Variants in RBMS3 observed in about 807,000 individuals in gnomAD.
RBMS3 encodes RNA-binding motif, single-stranded-interacting protein 3.
In RBMS3, 27 loss-of-function variants were observed where a neutral mutation model predicts 66.8. The ratio of observed to expected loss-of-function variants is 0.40; its 90% CI spans 0.30 to 0.56. The LOEUF (loss-of-function observed/expected upper bound fraction) is 0.56, where lower values mean the gene tolerates loss of function less well. RBMS3 is among the 20% of genes least tolerant of loss of function. RBMS3 has a pLI of 0.40. For synonymous variants in RBMS3, 188 were observed against 183.0 expected (o/e 1.03, Z -0.22); for missense variants, 513 against 549.5 (o/e 0.93, Z 0.66).
chr3:29,571,813 G>A (rs1425924417), intron 3 of RBMS3, among the ~76,000 whole-genome samples: 1 of 152,130 alleles, frequency 6.6e-6, no homozygotes, highest in Admixed American at 6.6e-5. Context: ...TGAGAAGAAT[G>A]TCATTGGTAT....
chr3:29,326,129 A>G (rs2035321251), intron 1 of RBMS3, among the ~76,000 whole-genome samples: 1 of 152,096 alleles, frequency 6.6e-6, no homozygotes, highest in Admixed American at 6.5e-5. Context: ...TAATGTCTTC[A>G]TTGCCACCAA....
chr3:29,754,454 A>G (rs911236667), intron 5 of RBMS3, among the ~76,000 whole-genome samples: 3 of 152,192 alleles, frequency 2.0e-5, no homozygotes, highest in Non-Finnish European at 4.4e-5. Context: ...TGTTCAACCA[A>G]GAATGGAGCA....
chr3:29,800,736 AC>A (rs1455184213), intron 6 of RBMS3, among the ~76,000 whole-genome samples: 2 of 152,068 alleles, frequency 1.3e-5, no homozygotes, highest in African/African-American at 2.4e-5. Context: ...AAGTGTAAAA[AC>A]AAAGCAAAAC....
At chr3:29,858,654 C>T (rs2059138440) in intron 6 of RBMS3, among the ~76,000 whole-genome samples, 1 of 152,220 alleles carries the variant, frequency 6.6e-6, no homozygotes, top group African/African-American at 2.4e-5. Flanking sequence ...CTAAATTTAA[C>T]TGTCAGTGAA....
chr3:29,355,558 GA>G (rs58006568), intron 1 of RBMS3, among the ~76,000 whole-genome samples: 14,255 of 146,358 alleles, frequency 0.097, 816 homozygotes, highest in East Asian at 0.19. Flanking sequence ...TATACAGCAA[GA>G]AAAAAAAAAG....
At chr3:29,948,631 TA>T (rs1477507358) in intron 12 of RBMS3, among the ~76,000 whole-genome samples, 4 of 151,862 alleles carry the variant, frequency 2.6e-5, no homozygotes, top group Non-Finnish European at 2.9e-5. Flanking sequence ...AAATTGTTTT[TA>T]TTGTAAAAGA....
At chr3:29,663,176 C>T (rs760666761) in intron 4 of RBMS3, among the ~76,000 whole-genome samples, 9 of 152,090 alleles carry the variant, frequency 5.9e-5, no homozygotes, top group Non-Finnish European at 1.2e-4. Flanking sequence ...ACAATTTCTC[C>T]TTGTGGAATA....
intron 4 of RBMS3, among the ~76,000 whole-genome samples, chr3:29,637,401 A>C (rs2049516980): frequency 3.3e-5 from 5 of 151,906 alleles, no homozygotes. Flanking sequence ...GGTTGGTTAA[A>C]GGGAAATGAA....
chr3:29,660,198 CT>C (rs760126910), intron 4 of RBMS3, among the ~76,000 whole-genome samples: 1 of 151,866 alleles, frequency 6.6e-6, no homozygotes, highest in Non-Finnish European at 1.5e-5. Context: ...CTTCAATTGT[CT>C]TTTTTTTACT....
At position 29,796,482 on chromosome 3, in the gene RBMS3, A is replaced by T. The variant is rs189764941; in HGVS notation, c.637+33493A>T. 6.6e-5 allele frequency among the ~76,000 whole-genome samples: 10 copies of T among 152,234 alleles called. 1 individual carries two copies. Among genetic ancestry groups the T allele is most frequent in the African/African-American group, 2.4e-4 (10 of 41,536 alleles). ...TTCCTTCCAGAAGGGTTTAAATGTA[A>T]TTTTCCAAGATCTATCAGAGGAATC... is the stretch of plus-strand genomic sequence containing the variant. On this transcript the variant is annotated intron_variant, in intron 6 of 14. Transcript: ENST00000383767.
intron 4 of RBMS3, among the ~76,000 whole-genome samples, chr3:29,682,164 T>C (rs1191748124): frequency 6.6e-6 from 1 of 151,188 alleles, no homozygotes; most frequent in Admixed American, 6.6e-5. Flanking sequence ...TTGTTTGTTT[T>C]GAGTCGGAGT....
Position 29,579,053 on chromosome 3 carries a change from G to A in RBMS3, c.308-8061G>A, listed in dbSNP as rs555152256. Among the ~76,000 whole-genome samples, 24 of 134,208 alleles carry A rather than the reference G, an allele frequency of 1.8e-4. 5 individuals carry two copies. The East Asian group carries it at 7.6e-3, about 43-fold the overall frequency. 88.0% of individuals were successfully genotyped at this position (134,208 alleles called of 152,430 possible). ...CCTGACCTCATGATCCACCCGCCTC[G>A]GCCTCCCAAAGTGCTGGGATTACAG... On this transcript the variant is annotated intron_variant, in intron 3 of 14. Coordinates refer to ENST00000383767, the MANE Select transcript of RBMS3 (RefSeq NM_001003793.3).
At chr3:29,347,124 T>C (rs1023761018) in intron 1 of RBMS3, among the ~76,000 whole-genome samples, 4 of 152,326 alleles carry the variant, frequency 2.6e-5, no homozygotes, top group Middle Eastern at 3.4e-3. Context: ...ATGAAGACTC[T>C]GGAGGCTGAT....
At chr3:29,766,833 G>A (rs964476457) in intron 6 of RBMS3, 1 of 151,882 alleles carries the variant, frequency 6.6e-6, no homozygotes, top group Admixed American at 6.6e-5. Flanking sequence ...GAGAAGGAGA[G>A]ACCAAAAGCA....
intron 4 of RBMS3, among the ~76,000 whole-genome samples, chr3:29,602,607 G>A (rs938474031): frequency 1.3e-5 from 2 of 151,852 alleles, no homozygotes; most frequent in African/African-American, 4.8e-5. Context: ...GATGTTAAAG[G>A]CACCAACATT....
At chr3:29,499,261 C>G (rs1398187843) in intron 3 of RBMS3, among the ~76,000 whole-genome samples, 1 of 149,682 alleles carries the variant, frequency 6.7e-6, no homozygotes, top group African/African-American at 2.5e-5. Context: ...TGCTTTGGTG[C>G]TAGCCATTGT....
chr3:29,450,434 C>G (rs958192359), intron 2 of RBMS3, among the ~76,000 whole-genome samples: 2 of 152,132 alleles, frequency 1.3e-5, no homozygotes, highest in Non-Finnish European at 2.9e-5. Flanking sequence ...CTCTTAAGAT[C>G]CCTCCTTTAT....
chr3:29,574,408 G>A (rs1383629025), intron 3 of RBMS3, among the ~76,000 whole-genome samples: 1 of 151,780 alleles, frequency 6.6e-6, no homozygotes, highest in African/African-American at 2.4e-5. Flanking sequence ...TCATTGTCAT[G>A]GAATGTCTTT....
chr3:29,348,590 A>C (rs770192305), intron 1 of RBMS3, among the ~76,000 whole-genome samples: 16 of 151,350 alleles, frequency 1.1e-4, no homozygotes, highest in Non-Finnish European at 1.9e-4. Flanking sequence ...AAAAAAAATC[A>C]AATCAAAACA....
Sources: allele counts gnomAD v4.1 joint callset (sites outside exome capture counted in the v4.1 genomes callset), GRCh38; gene constraint gnomAD v4.1.1; transcripts MANE v1.5; gene names NCBI Gene and HGNC (gene_info 2026-07-23, HGNC 2026-07-21).